The following DCDC1 variants were observed in gnomAD, a reference collection of about 807,000 sequenced individuals.
DCDC1 encodes the protein doublecortin domain-containing protein 1.
A neutral mutation model predicts 178.3 loss-of-function variants in DCDC1; 200 were observed. That is an observed-to-expected ratio of 1.12 (90% CI 1.00 to 1.26). The LOEUF is 1.26. Ranked by LOEUF, DCDC1 falls within the 50% of genes most tolerant of loss-of-function variation. The probability of loss-of-function intolerance (pLI) is 0.00; values close to 1 mark genes in which losing one functional copy is unlikely to be tolerated. For synonymous variants in DCDC1, 690 were observed against 604.8 expected, an observed-to-expected ratio of 1.14 and a Z score of -2.07; for missense variants, 1,983 against 1,749.2, an observed-to-expected ratio of 1.13 and a Z score of -2.38.
intron 20 of DCDC1, among the ~76,000 whole-genome samples, chr11:31,011,576 T>C: frequency 6.6e-6 from 1 of 152,216 alleles, no homozygotes; most frequent in South Asian, 2.1e-4. Flanking sequence ...TGAAGTACCA[T>C]TTTAAATCCA....
intron 20 of DCDC1, among the ~76,000 whole-genome samples, chr11:31,029,053 T>C (rs1953446506): frequency 6.6e-6 from 1 of 152,082 alleles, no homozygotes; most frequent in African/African-American, 2.4e-5. Context: ...AAAGAACTGC[T>C]ACCTCTAAAC....
intron 21 of DCDC1, among the ~76,000 whole-genome samples, chr11:30,939,288 G>C (rs163858): frequency 0.022 from 3,348 of 152,240 alleles, 130 homozygotes; most frequent in African/African-American, 0.077. Flanking sequence ...CACCTAAATT[G>C]GTTGGGACAC....
chr11:31,108,246 A>C (rs1958981080), intron 12 of DCDC1, among the ~76,000 whole-genome samples: 1 of 152,182 alleles, frequency 6.6e-6, no homozygotes, highest in Non-Finnish European at 1.5e-5. Context: ...AAAGGCATTA[A>C]TACTTCCCAT....
At position 31,305,771 on chromosome 11, in the gene DCDC1, C is replaced by A; in HGVS notation, c.598G>T (p.Glu200Ter). Residue 200 changes from glutamate (E) to a stop codon, truncating the protein, a stop_gained, in exon 6 of 39, where the codon GAG becomes TAG. Transcript: ENST00000684477. LOFTEE classifies it high-confidence loss of function. ...VTVPTITLLL[E>*]ECTEKLNLNM... is the part of the protein sequence containing the mutation. ...AGATTCAGCTTTTCTGTGCACTCCT[C>A]CAGCAGCTAGAAGAAAGCAAGAGGT... 1.2e-6 allele frequency: 2 copies of A among 1,612,760 alleles called. No homozygotes were observed. The highest frequency in any genetic ancestry group is 1.7e-6 in the Non-Finnish European group (2 of 1,179,420).
At chr11:31,027,268 T>A (rs558054293) in intron 20 of DCDC1, among the ~76,000 whole-genome samples, 2 of 151,882 alleles carry the variant, frequency 1.3e-5, no homozygotes, top group Non-Finnish European at 3.0e-5. Context: ...TATAGTCAAA[T>A]GATATCTCTT....
chr11:31,180,797 G>C (rs1019890917), intron 9 of DCDC1, among the ~76,000 whole-genome samples: 2 of 152,076 alleles, frequency 1.3e-5, no homozygotes, highest in African/African-American at 4.8e-5. Context: ...CACTGAGCTA[G>C]CTGCAGGAGT....
At chr11:31,071,119 G>A (rs57413887) in intron 18 of DCDC1, among the ~76,000 whole-genome samples, 2 of 151,854 alleles carry the variant, frequency 1.3e-5, no homozygotes, top group African/African-American at 2.4e-5. Flanking sequence ...TATGTACAAC[G>A]TAAATAAATG....
intron 21 of DCDC1, among the ~76,000 whole-genome samples, chr11:30,942,631 C>T (rs1320536774): frequency 6.6e-6 from 1 of 152,188 alleles, no homozygotes; most frequent in Non-Finnish European, 1.5e-5. Flanking sequence ...ATGAACATAT[C>T]TGAAGTGTGC....
intron 1 of DCDC1, among the ~76,000 whole-genome samples, chr11:31,358,062 T>C (rs950977783): frequency 4.6e-5 from 7 of 151,550 alleles, no homozygotes; most frequent in African/African-American, 1.5e-4. Flanking sequence ...ACCAATGACT[T>C]TCTTCACAGA....
chr11:31,313,687 A>G (rs1425809166), intron 3 of DCDC1, among the ~76,000 whole-genome samples: 1 of 152,216 alleles, frequency 6.6e-6, no homozygotes, highest in East Asian at 1.9e-4. Context: ...AATTTAATTT[A>G]GTGCTGTGGT....
chr11:30,866,503 A>C (rs2133895304), intron 38 of DCDC1, among the ~76,000 whole-genome samples: 1 of 152,260 alleles, frequency 6.6e-6, no homozygotes, highest in South Asian at 2.1e-4. Context: ...TTAGCCCCTA[A>C]GGGTCCCAGC....
rs148541099 is a variant in DCDC1 at position 31,161,843 on chromosome 11, C to T, written c.1222-24059G>A. Reference sequence around the variant, plus strand: ...AAGTAGTGGTACTGTTGTTGTTTTTCTAAATCACTACTTATATTTAGCACC... The same window carrying T: ...AAGTAGTGGTACTGTTGTTGTTTTTTTAAATCACTACTTATATTTAGCACC... On this transcript the variant is annotated intron_variant, in intron 9 of 38. Transcript: ENST00000684477. 5.7e-3 allele frequency among the ~76,000 whole-genome samples: 871 copies of T among 152,240 alleles called. 7 individuals carry two copies. Among genetic ancestry groups the T allele is most frequent in the African/African-American group, 0.02 (839 of 41,534 alleles).
intron 12 of DCDC1, 129 bp downstream of exon 12, chr11:31,110,131 T>C (rs2135794945): frequency 1.8e-6 from 1 of 567,728 alleles, no homozygotes; most frequent in Non-Finnish European, 3.2e-6. Context: ...TAAATCTTTG[T>C]GATATCAGTC....
At chr11:31,067,382 A>G (rs1956305845) in intron 18 of DCDC1, among the ~76,000 whole-genome samples, 1 of 152,178 alleles carries the variant, frequency 6.6e-6, no homozygotes, top group South Asian at 2.1e-4. Context: ...AACCTCAGTA[A>G]GGTAATACTT....
intron 20 of DCDC1, among the ~76,000 whole-genome samples, chr11:31,007,198 G>T (rs2135082904): frequency 6.6e-6 from 1 of 152,304 alleles, no homozygotes; most frequent in South Asian, 2.1e-4. Flanking sequence ...ACATTATTAA[G>T]GAATTGAGAT....
At chr11:31,102,845 T>A (rs146399794) in intron 14 of DCDC1, among the ~76,000 whole-genome samples, 1,589 of 152,296 alleles carry the variant, frequency 0.01, 70 homozygotes, top group Admixed American at 0.081. Context: ...CAGAAAGTTT[T>A]ATTGGACGGC....
intron 9 of DCDC1, among the ~76,000 whole-genome samples, chr11:31,220,694 T>C (rs1974167088): frequency 2.0e-5 from 3 of 152,234 alleles, no homozygotes; most frequent in Admixed American, 2.0e-4. Flanking sequence ...CAATTTTGAA[T>C]GTGCAAAGTA....
chr11:31,315,921 T>C (rs1293634769), intron 3 of DCDC1, among the ~76,000 whole-genome samples: 1 of 114,220 alleles, frequency 8.8e-6, no homozygotes, highest in Non-Finnish European at 1.7e-5. Context: ...TTTTTTGTTC[T>C]TGCAATAGTT....
chr11:31,061,598 G>T (rs1052470137), intron 20 of DCDC1, among the ~76,000 whole-genome samples: 2 of 152,026 alleles, frequency 1.3e-5, no homozygotes, highest in Non-Finnish European at 2.9e-5. Context: ...AGCCGATCAC[G>T]TATGGAGCCT....
Sources: allele counts gnomAD v4.1 joint callset (sites outside exome capture counted in the v4.1 genomes callset), GRCh38; gene constraint gnomAD v4.1.1; transcripts MANE v1.5; gene names NCBI Gene and HGNC (gene_info 2026-07-23, HGNC 2026-07-21).